SBNO2: variants seen among roughly 807,000 people sequenced by gnomAD.
SBNO2 encodes the protein protein strawberry notch homolog 2.
SBNO2 carries 89 observed loss-of-function variants against 146.3 expected under a neutral mutation model. That is an observed-to-expected ratio of 0.61 (90% CI 0.51 to 0.73). The LOEUF (loss-of-function observed/expected upper bound fraction) is 0.73. Among genes scored for constraint, SBNO2 ranks in the 30% least tolerant of loss-of-function variants. The pLI is 0.00. For missense variants in SBNO2, 2,092 were observed against 2,003.7 expected (o/e 1.04, Z -0.84); for synonymous variants, 1,147 against 892.6 (o/e 1.29, Z -5.08).
At chr19:1,120,755 G>A (rs1489909721) in intron 11 of SBNO2, among the ~76,000 whole-genome samples, 3 of 152,058 alleles carry the variant, frequency 2.0e-5, no homozygotes, top group African/African-American at 7.2e-5. Flanking sequence ...TGCAACCTCC[G>A]ACTCCCTGGT....
intron 1 of SBNO2, among the ~76,000 whole-genome samples, chr19:1,156,866 C>T (rs926706834): frequency 6.6e-6 from 1 of 152,078 alleles, no homozygotes; most frequent in South Asian, 2.1e-4. Context: ...TCCAAGTCCC[C>T]CCACAACCCA....
intron 15 of SBNO2, 70 bp downstream of exon 15, chr19:1,117,253 C>G: frequency 6.9e-7 from 1 of 1,447,138 alleles, no homozygotes; most frequent in East Asian, 2.5e-5. Context: ...CAGGAAGGAC[C>G]TGGAAGAAGA....
At chr19:1,115,189 C>T (rs747581898) in intron 17 of SBNO2, among the ~76,000 whole-genome samples, 3 of 152,024 alleles carry the variant, frequency 2.0e-5, no homozygotes, top group Non-Finnish European at 4.4e-5. Context: ...CTCAGCCTTC[C>T]AAAGTGCTGG....
intron 1 of SBNO2, among the ~76,000 whole-genome samples, chr19:1,166,854 G>C (rs1326408639): frequency 6.6e-6 from 1 of 152,174 alleles, no homozygotes; most frequent in Non-Finnish European, 1.5e-5. Flanking sequence ...ACCTGCTACT[G>C]TCACTGCCTC....
intron 4 of SBNO2, among the ~76,000 whole-genome samples, chr19:1,130,582 A>G (rs2080017447): frequency 6.6e-6 from 1 of 152,166 alleles, no homozygotes; most frequent in African/African-American, 2.4e-5. Context: ...ACTTGAGCCC[A>G]GGAGTTCAAG....
rs1349027685 is a variant in SBNO2, at chr19:1,157,874, C to T, written c.-126-3472G>A. Among the ~76,000 whole-genome samples, 2 of 147,338 alleles carry T rather than the reference C, an allele frequency of 1.4e-5. No individual in the cohort carries two copies. Among genetic ancestry groups the T allele is most frequent in the Non-Finnish European group, 3.0e-5 (2 of 67,360 alleles). ...TCTCTCTCTTGAGTCCGGGTAACTGCATCTGCCTCCCAGCTCTCTCTCCTG... is the reference window on the plus strand; with the variant it reads ...TCTCTCTCTTGAGTCCGGGTAACTGTATCTGCCTCCCAGCTCTCTCTCCTG... On this transcript the variant is annotated intron_variant, in intron 1 of 31. Coordinates refer to ENST00000361757, the MANE Select transcript of SBNO2 (RefSeq NM_014963.3). The surrounding 1 kb of genome is among the most constrained non-coding windows in gnomAD (Gnocchi z 6.8).
intron 1 of SBNO2, among the ~76,000 whole-genome samples, chr19:1,161,930 G>GGC (rs2080351077): frequency 1.4e-5 from 1 of 70,110 alleles, no homozygotes; most frequent in Admixed American, 1.5e-4. Flanking sequence ...GGGGGGTTGG[G>GGC]CCAGGCCTGC....
At chr19:1,111,911 T>A in intron 23 of SBNO2, 85 bp downstream of exon 23, 4 of 1,196,024 alleles carry the variant, frequency 3.3e-6, no homozygotes, top group Non-Finnish European at 4.7e-6. Context: ...AGCCCCCATC[T>A]ACCCCCTCCC....
intron 15 of SBNO2, 141 bp downstream of exon 15, chr19:1,117,182 C>T (rs1309850808): frequency 4.6e-5 from 41 of 890,798 alleles, no homozygotes; most frequent in South Asian, 8.8e-5. Context: ...GATTGGAAGA[C>T]GGACATCCGG....
intron 4 of SBNO2, chr19:1,132,307 C>CT (rs2145256164): frequency 1.5e-6 from 2 of 1,309,986 alleles, no homozygotes; most frequent in South Asian, 2.1e-5. Context: ...CCTACTTCCT[C>CT]TAAGGCCGGG....
At position 1,110,572 on chromosome 19, in the gene SBNO2, C is replaced by G. The variant is rs1291349160; in HGVS notation, c.3028+173G>C. On this transcript the variant is annotated intron_variant, in intron 26 of 31. Coordinates refer to ENST00000361757, the MANE Select transcript of SBNO2 (RefSeq NM_014963.3). The surrounding 1 kb of genome is among the most constrained non-coding windows in gnomAD (Gnocchi z 4.9). ...GAGCCCCGAGCCCACCTGGGATGCCCGGCGTTCCCACGAGCCCCTCGCCCA... is the reference window on the plus strand; with the variant it reads ...GAGCCCCGAGCCCACCTGGGATGCCGGGCGTTCCCACGAGCCCCTCGCCCA... 1.6e-6 allele frequency: 1 copy of G among 644,848 alleles called. No homozygotes were observed. The highest frequency in any genetic ancestry group is 2.3e-6 in the Non-Finnish European group (1 of 429,866). 39.9% of individuals were successfully genotyped at this position (644,848 alleles called of 1,614,324 possible). A position where few individuals can be genotyped will look rare whatever the true frequency, so the allele number is the denominator to read the frequency against.
intron 4 of SBNO2, chr19:1,132,386 T>C: frequency 2.8e-6 from 2 of 714,832 alleles, no homozygotes; most frequent in Non-Finnish European, 3.4e-6. Flanking sequence ...GGAGAATTAC[T>C]GTACGGGGCG....
At chr19:1,165,677 TACCCAGAC>T (rs2080408062) in intron 1 of SBNO2, among the ~76,000 whole-genome samples, 3 of 25,102 alleles carry the variant, frequency 1.2e-4, no homozygotes, top group South Asian at 1.4e-3. Context: ...CAGACCCCAG[TACCCAGAC>T]CCCAGATCTC....
rs371071892 is a variant in SBNO2, at chr19:1,150,457, C to T, written c.94-1015G>A. On this transcript the variant is annotated intron_variant, in intron 2 of 31. Transcript: ENST00000361757. The surrounding 1 kb of genome is among the most constrained non-coding windows in gnomAD (Gnocchi z 6.2). ...GCCGTCACAGACGCCCCCACAGTCA[C>T]GGGGGAGACCCTGCCGTCACGGATG... Among the ~76,000 whole-genome samples the T allele has an allele frequency of 4.0e-5, 6 of 150,904 alleles. No individual in the cohort carries two copies. The highest frequency in any genetic ancestry group is 7.4e-5 in the Non-Finnish European group (5 of 67,754).
At chr19:1,159,824 G>A (rs902542574) in intron 1 of SBNO2, among the ~76,000 whole-genome samples, 2 of 151,294 alleles carry the variant, frequency 1.3e-5, no homozygotes, top group African/African-American at 2.4e-5. Context: ...GGGGACAGGA[G>A]GGGACACATT....
chr19:1,119,115 T>A lies in SBNO2; in HGVS notation c.1423A>T (p.Met475Leu). ...IVAMDMKVSG[M>L]YIARQLSFSG... Reference sequence around the variant, plus strand: ...AAGCTGAGCTGGCGTGCGATGTACATGCCGCTGACCTTCATGTCCATGGCC... The same window carrying A: ...AAGCTGAGCTGGCGTGCGATGTACAAGCCGCTGACCTTCATGTCCATGGCC... The change falls in exon 14 of 32, where the codon ATG becomes TTG. Residue 475 changes from methionine to leucine, a missense_variant. By Grantham distance (15) the Met-to-Leu change is conservative. Coordinates refer to ENST00000361757, the MANE Select transcript of SBNO2 (RefSeq NM_014963.3). The A allele has an allele frequency of 6.2e-7, 1 of 1,604,862 alleles. No individual in the cohort carries two copies.
intron 14 of SBNO2, among the ~76,000 whole-genome samples, chr19:1,118,772 T>G (rs558568143): frequency 6.6e-6 from 1 of 151,912 alleles, no homozygotes; most frequent in Non-Finnish European, 1.5e-5. Flanking sequence ...CTCGAGAGGC[T>G]GAGGGGGGAG....
At chr19:1,164,822 AG>A (rs371506015) in intron 1 of SBNO2, among the ~76,000 whole-genome samples, 538 of 614 alleles carry the variant, frequency 0.88, 240 homozygotes, top group East Asian at 0.9. Flanking sequence ...GAGCAGGAGG[AG>A]GGAGGAGGAA....
rs776574539 is a variant in SBNO2 at position 1,122,204 on chromosome 19, C to T, written c.1084G>A (p.Gly362Ser). Reference sequence around the variant, plus strand: ...CGGAGGCGAGTGCGGTGCTGGCCGCCGGCCTGGCTCTCCCCAATCAGGGCG... The same window carrying T: ...CGGAGGCGAGTGCGGTGCTGGCCGCTGGCCTGGCTCTCCCCAATCAGGGCG... ...YSALIGESQA[G>S]GQHRTRLRQI... Residue 362 changes from glycine to serine, a missense_variant, in exon 11 of 32, where the codon GGC becomes AGC. Physicochemically the swap from Gly to Ser is moderately conservative, Grantham distance 56. Coordinates refer to ENST00000361757, the MANE Select transcript of SBNO2 (RefSeq NM_014963.3). 25 of 1,559,310 alleles carry T rather than the reference C, an allele frequency of 1.6e-5. No homozygotes were observed. The highest frequency in any genetic ancestry group is 2.0e-5 in the Non-Finnish European group (23 of 1,153,120).
Sources: gnomAD v4.1 joint callset for allele counts (sites outside exome capture counted in the v4.1 genomes callset) on GRCh38, gnomAD v4.1.1 for gene constraint, Gnocchi (gnomAD v3.1) non-coding constraint, MANE v1.5 for transcripts, NCBI Gene and HGNC (gene_info 2026-07-23, HGNC 2026-07-21) for gene names.